Variants in CAMSAP2 observed in about 807,000 individuals in gnomAD.
CAMSAP2 encodes calmodulin-regulated spectrin-associated protein 2.
Under a neutral mutation model 146.1 loss-of-function variants are expected in CAMSAP2, and 26 were observed. The ratio of observed to expected loss-of-function variants is 0.18; its 90% CI spans 0.13 to 0.25. The LOEUF (loss-of-function observed/expected upper bound fraction) is 0.25. CAMSAP2 is among the 10% of genes least tolerant of loss of function. CAMSAP2 has a pLI of 1.00. For synonymous variants in CAMSAP2, 499 were observed against 596.6 expected, an observed-to-expected ratio of 0.84 and a Z score of 2.38; for missense variants, 1,381 against 1,759.3, an observed-to-expected ratio of 0.78 and a Z score of 3.85.
intron 4 of CAMSAP2, among the ~76,000 whole-genome samples, chr1:200,831,500 G>A (rs1667042140): frequency 6.6e-6 from 1 of 152,090 alleles, no homozygotes; most frequent in Admixed American, 6.6e-5. Flanking sequence ...ATTTTTTAGA[G>A]ATCTATTTTT....
At chr1:200,803,611 TAAG>T (rs58865089) in intron 2 of CAMSAP2, among the ~76,000 whole-genome samples, 45,493 of 151,118 alleles carry the variant, frequency 0.3, 7,476 homozygotes, top group Middle Eastern at 0.41. Flanking sequence ...ATTGTAAAGT[TAAG>T]AAGTAAAAAA....
At chr1:200,816,367 C>T (rs527374242) in intron 4 of CAMSAP2, among the ~76,000 whole-genome samples, 9 of 150,780 alleles carry the variant, frequency 6.0e-5, no homozygotes, top group Non-Finnish European at 8.9e-5. Context: ...CTGAGACGGG[C>T]GGATCACCTG....
chr1:200,800,952 G>A (rs1666019114), intron 2 of CAMSAP2, among the ~76,000 whole-genome samples: 1 of 152,108 alleles, frequency 6.6e-6, no homozygotes, highest in Non-Finnish European at 1.5e-5. Context: ...ATGAAATTCT[G>A]GGATGAAAAT....
At chr1:200,817,367 A>C (rs1248234984) in intron 4 of CAMSAP2, among the ~76,000 whole-genome samples, 1 of 152,012 alleles carries the variant, frequency 6.6e-6, no homozygotes, top group Non-Finnish European at 1.5e-5. Context: ...TAAAAATCTC[A>C]AACAGACTTT....
chr1:200,834,396 A>G (rs1571813186), intron 6 of CAMSAP2, among the ~76,000 whole-genome samples: 1 of 152,250 alleles, frequency 6.6e-6, no homozygotes, highest in Non-Finnish European at 1.5e-5. Context: ...ATCATCACGA[A>G]TAGATTTTTG....
chr1:200,750,573 ATGTG>A (rs145051907), intron 1 of CAMSAP2, among the ~76,000 whole-genome samples: 413 of 146,720 alleles, frequency 2.8e-3, no homozygotes, highest in African/African-American at 9.4e-3. Context: ...AAATGCCTGT[ATGTG>A]TGTGTGTGTG....
Position 200,817,174 on chromosome 1 carries a change from A to G in CAMSAP2, c.645+1530A>G, listed in dbSNP as rs1485928641. ...TACACACATACACACACGTGTGTGTATATACACACACACACATGTGTGTGT... is the reference window on the plus strand; with the variant it reads ...TACACACATACACACACGTGTGTGTGTATACACACACACACATGTGTGTGT... On this transcript the variant is annotated intron_variant, in intron 4 of 16. Transcript: ENST00000358823. Among the ~76,000 whole-genome samples, 481 of 63,160 alleles carry G rather than the reference A, an allele frequency of 7.6e-3. 3 individuals carry two copies. Among genetic ancestry groups the G allele is most frequent in the African/African-American group, 0.013 (138 of 10,468 alleles). 41.4% of individuals were successfully genotyped at this position (63,160 alleles called of 152,430 possible).
chr1:200,826,265 T>C (rs1424800571), intron 4 of CAMSAP2, among the ~76,000 whole-genome samples: 1 of 151,852 alleles, frequency 6.6e-6, no homozygotes, highest in Non-Finnish European at 1.5e-5. Context: ...ACCCCGTCTC[T>C]ACCAAAAAAT....
intron 1 of CAMSAP2, among the ~76,000 whole-genome samples, chr1:200,756,452 CAAAGAAAA>C: frequency 7.0e-6 from 1 of 143,120 alleles, no homozygotes; most frequent in African/African-American, 2.6e-5. Flanking sequence ...GACTCTTTCT[CAAAGAAAA>C]AAAGAAAAAA....
chr1:200,816,956 ACACGCGTGTGTATGTGTATATATC>A (rs1666564990), intron 4 of CAMSAP2, among the ~76,000 whole-genome samples: 3 of 54,368 alleles, frequency 5.5e-5, no homozygotes, highest in Admixed American at 1.7e-4. Flanking sequence ...GTGTACACAC[ACACGCGTGTGTATGTGTATATATC>A]TACACATATA....
intron 7 of CAMSAP2, among the ~76,000 whole-genome samples, chr1:200,842,831 C>T (rs1367193142): frequency 2.6e-5 from 4 of 151,918 alleles, no homozygotes; most frequent in African/African-American, 9.7e-5. Flanking sequence ...CAAAAATTAG[C>T]CGGGCATGTT....
chr1:200,845,782 C>T (rs970760136), intron 8 of CAMSAP2, among the ~76,000 whole-genome samples: 1 of 152,026 alleles, frequency 6.6e-6, no homozygotes, highest in African/African-American at 2.4e-5. Flanking sequence ...AACCCAAGGA[C>T]CCTGGGTTAC....
intron 9 of CAMSAP2, 102 bp downstream of exon 9, chr1:200,847,394 TGTGTGTG>T: frequency 1.3e-6 from 1 of 782,642 alleles, no homozygotes; most frequent in Non-Finnish European, 2.0e-6. Flanking sequence ...GGTTTTTTTG[TGTGTGTG>T]TGTGTGTGTT....
chr1:200,743,968 A>G, intron 1 of CAMSAP2, among the ~76,000 whole-genome samples: 1 of 151,820 alleles, frequency 6.6e-6, no homozygotes, highest in East Asian at 1.9e-4. Flanking sequence ...ATAAATAAAT[A>G]AATAAATAAA....
In CAMSAP2 at chr1:200,848,665, T is replaced by C. The variant is rs1667527820; in HGVS notation, c.1896T>C (p.Tyr632=). The C allele has an allele frequency of 1.2e-6, 2 of 1,614,192 alleles. No individual in the cohort carries two copies. Among genetic ancestry groups the C allele is most frequent in the Non-Finnish European group, 1.7e-6 (2 of 1,180,002 alleles). Residue 632 remains tyrosine, a synonymous_variant, in exon 11 of 17, where the codon TAT becomes TAC. Coordinates refer to ENST00000358823, the MANE Select transcript of CAMSAP2 (RefSeq NM_203459.4). ...TMDEDSSLRD[Y]TVSLDSDMDD... ...ACGAAGATTCTTCGTTGAGAGATTA[T>C]ACTGTAAGCTTGGACTCTGACATGG...
intron 6 of CAMSAP2, among the ~76,000 whole-genome samples, chr1:200,835,246 G>A (rs1388264606): frequency 6.6e-6 from 1 of 152,204 alleles, no homozygotes; most frequent in African/African-American, 2.4e-5. Flanking sequence ...CAGAATGCAA[G>A]TGTGTAAAAG....
chr1:200,817,172 GTA>G (rs762429789), intron 4 of CAMSAP2, among the ~76,000 whole-genome samples: 891 of 68,500 alleles, frequency 0.013, 7 homozygotes, highest in Non-Finnish European at 0.016. Context: ...ACACGTGTGT[GTA>G]TATACACACA....
At chr1:200,803,604 G>A (rs1264164552) in intron 2 of CAMSAP2, among the ~76,000 whole-genome samples, 2 of 132,602 alleles carry the variant, frequency 1.5e-5, no homozygotes, top group Non-Finnish European at 3.5e-5. Flanking sequence ...CTATCATATT[G>A]TAAAGTTAAG....
intron 2 of CAMSAP2, among the ~76,000 whole-genome samples, chr1:200,806,755 G>A (rs541039904): frequency 3.7e-5 from 5 of 134,644 alleles, no homozygotes; most frequent in Non-Finnish European, 4.9e-5. Flanking sequence ...GTGTGTGTGT[G>A]TGTGTGTGTG....
Sources: allele counts gnomAD v4.1 joint callset (sites outside exome capture counted in the v4.1 genomes callset), GRCh38; gene constraint gnomAD v4.1.1; transcripts MANE v1.5; gene names NCBI Gene and HGNC (gene_info 2026-07-23, HGNC 2026-07-21).